RBFOX1: variants seen among roughly 807,000 people sequenced by gnomAD.
RBFOX1 encodes RNA binding protein fox-1 homolog 1.
RBFOX1 carries 8 observed loss-of-function variants against 57.7 expected under a neutral mutation model. That is an observed-to-expected ratio of 0.14 (90% CI 0.08 to 0.25). RBFOX1 has a LOEUF of 0.25. Ranked by LOEUF, RBFOX1 falls within the 10% of genes least tolerant of loss-of-function variation. The probability of loss-of-function intolerance (pLI) is 1.00; values close to 1 mark genes in which losing one functional copy is unlikely to be tolerated. For missense variants in RBFOX1, 611 were observed against 548.5 expected (o/e 1.11, Z -1.14); for synonymous variants, 326 against 222.4 (o/e 1.47, Z -4.15).
intron 2 of RBFOX1, among the ~76,000 whole-genome samples, chr16:6,322,827 G>A (rs1334583382): frequency 6.6e-6 from 1 of 152,212 alleles, no homozygotes; most frequent in African/African-American, 2.4e-5. Context: ...CTTAATTCAA[G>A]GCCAGGCACA....
At chr16:6,106,500 C>T (rs939205320) in intron 1 of RBFOX1, among the ~76,000 whole-genome samples, 3 of 147,544 alleles carry the variant, frequency 2.0e-5, no homozygotes, top group African/African-American at 7.5e-5. Context: ...GTTCCATGCT[C>T]TTATAAATAA....
intron 4 of RBFOX1, among the ~76,000 whole-genome samples, chr16:7,256,209 C>T (rs990486383): frequency 6.6e-6 from 1 of 152,168 alleles, no homozygotes; most frequent in Non-Finnish European, 1.5e-5. Flanking sequence ...GAGGTTGGCT[C>T]TCCTCTTTAC....
At chr16:6,503,740 A>G (rs2096008158) in intron 2 of RBFOX1, among the ~76,000 whole-genome samples, 1 of 152,162 alleles carries the variant, frequency 6.6e-6, no homozygotes. Flanking sequence ...GGACCAAATC[A>G]AGACACACAG....
intron 4 of RBFOX1, among the ~76,000 whole-genome samples, chr16:7,091,563 T>G (rs938693000): frequency 3.3e-5 from 5 of 152,102 alleles, no homozygotes; most frequent in South Asian, 2.1e-4. Flanking sequence ...TGCATCATTT[T>G]TTCTACAGGA....
At chr16:5,968,300 C>G (rs1322535453) in intron 4 of RBFOX1, among the ~76,000 whole-genome samples, 1 of 152,084 alleles carries the variant, frequency 6.6e-6, no homozygotes, top group African/African-American at 2.4e-5. Context: ...GTCTCAAACT[C>G]CTGACATCAC....
chr16:5,742,170 G>A (rs993956927), intron 3 of RBFOX1, among the ~76,000 whole-genome samples: 1 of 152,060 alleles, frequency 6.6e-6, no homozygotes, highest in African/African-American at 2.4e-5. Flanking sequence ...TGGGAAATTT[G>A]GGCATATCCG....
intron 1 of RBFOX1, among the ~76,000 whole-genome samples, chr16:6,027,643 T>G (rs1160808330): frequency 1.3e-5 from 2 of 152,222 alleles, no homozygotes; most frequent in African/African-American, 4.8e-5. Context: ...TTAGTGCAAG[T>G]AGGAGTCATA....
chr16:7,281,933 A>G (rs929318505), intron 4 of RBFOX1, among the ~76,000 whole-genome samples: 1 of 152,056 alleles, frequency 6.6e-6, no homozygotes, highest in Non-Finnish European at 1.5e-5. Flanking sequence ...TGGCACAATT[A>G]TAGCTCACTG....
intron 2 of RBFOX1, among the ~76,000 whole-genome samples, chr16:6,644,277 G>A (rs2098515865): frequency 6.6e-6 from 1 of 152,180 alleles, no homozygotes; most frequent in Non-Finnish European, 1.5e-5. Context: ...CAGAAAGCTT[G>A]CCTTTGCAAA....
At chr16:5,747,468 CCTT>C (rs1396296652) in intron 3 of RBFOX1, among the ~76,000 whole-genome samples, 1 of 152,118 alleles carries the variant, frequency 6.6e-6, no homozygotes, top group African/African-American at 2.4e-5. Context: ...GGTACCAGCT[CCTT>C]CTTGTACCTC....
chr16:6,257,759 C>G (rs1412816675), intron 1 of RBFOX1, among the ~76,000 whole-genome samples: 1 of 152,084 alleles, frequency 6.6e-6, no homozygotes, highest in South Asian at 2.1e-4. Context: ...TGATCATGTT[C>G]TTTTTTATGG....
At chr16:7,130,541 A>G (rs903624254) in intron 4 of RBFOX1, among the ~76,000 whole-genome samples, 3 of 152,200 alleles carry the variant, frequency 2.0e-5, no homozygotes, top group Non-Finnish European at 2.9e-5. Flanking sequence ...CACTGCAAGT[A>G]TATTCTGAAT....
At chr16:5,495,448 C>T (rs574992706) in intron 2 of RBFOX1, among the ~76,000 whole-genome samples, 1 of 152,312 alleles carries the variant, frequency 6.6e-6, no homozygotes, top group Non-Finnish European at 1.5e-5. Flanking sequence ...CATCCAGTCA[C>T]CTCCTACCAG....
At chr16:6,898,871 G>C (rs530887674) in intron 3 of RBFOX1, among the ~76,000 whole-genome samples, 1,878 of 141,492 alleles carry the variant, frequency 0.013, 21 homozygotes, top group Non-Finnish European at 0.02. Flanking sequence ...TTACACACAT[G>C]TACACGTGTA....
intron 3 of RBFOX1, among the ~76,000 whole-genome samples, chr16:6,719,640 G>T (rs1260736651): frequency 1.3e-5 from 2 of 151,584 alleles, no homozygotes; most frequent in African/African-American, 2.4e-5. Flanking sequence ...TAGAGATGGG[G>T]TTTCACCATG....
At chr16:6,937,841 G>A (rs879596140) in intron 3 of RBFOX1, among the ~76,000 whole-genome samples, 11 of 152,106 alleles carry the variant, frequency 7.2e-5, no homozygotes, top group Admixed American at 7.2e-4. Flanking sequence ...TAAGGTCTGT[G>A]TTGATGAAAT....
chr16:7,072,424 T>A (rs773270736), intron 4 of RBFOX1, among the ~76,000 whole-genome samples: 1 of 152,238 alleles, frequency 6.6e-6, no homozygotes, highest in African/African-American at 2.4e-5. Flanking sequence ...TCCCTTTAGA[T>A]TGACTCCTCT....
intron 3 of RBFOX1, among the ~76,000 whole-genome samples, chr16:6,870,944 G>C (rs2060758339): frequency 6.6e-6 from 1 of 152,144 alleles, no homozygotes; most frequent in African/African-American, 2.4e-5. Context: ...CTATCCGTAA[G>C]TGTCCATATT....
chr16:5,608,103 T>C (rs1596431173), intron 3 of RBFOX1, among the ~76,000 whole-genome samples: 1 of 152,160 alleles, frequency 6.6e-6, no homozygotes, highest in East Asian at 1.9e-4. Context: ...TTGCCCAAAG[T>C]GGTTGTTCCA....
Sources: allele counts gnomAD v4.1 joint callset (sites outside exome capture counted in the v4.1 genomes callset), GRCh38; gene constraint gnomAD v4.1.1; transcripts MANE v1.5; gene names NCBI Gene and HGNC (gene_info 2026-07-23, HGNC 2026-07-21).